Variants in C16orf96 observed in about 807,000 individuals in gnomAD.
The protein encoded by C16orf96 is chromosome 16 open reading frame 96.
Under a neutral mutation model 103.6 loss-of-function variants are expected in C16orf96, and 108 were observed. That is an observed-to-expected ratio of 1.04 (90% CI 0.89 to 1.22). The LOEUF (loss-of-function observed/expected upper bound fraction) is 1.22, where lower values mean the gene tolerates loss of function less well. Among genes scored for constraint, C16orf96 ranks in the 50% most tolerant of loss-of-function variants. C16orf96 has a pLI of 0.00. For synonymous variants in C16orf96, 566 were observed against 593.5 expected (o/e 0.95, Z 0.67); for missense variants, 1,586 against 1,464.2 (o/e 1.08, Z -1.36).
At chr16:4,548,415 G>C in the C16orf96 span, among the ~76,000 whole-genome samples, 1 of 152,216 alleles carries the variant, frequency 6.6e-6, no homozygotes, top group Non-Finnish European at 1.5e-5. Context: ...AATTGGGGCA[G>C]CAGGAGTGCT....
chr16:4,574,840 C>T (rs2059480941), intron 3 of C16orf96, 51 bp downstream of exon 3: 3 of 1,536,730 alleles, frequency 2.0e-6, no homozygotes, highest in Non-Finnish European at 2.6e-6. Context: ...ACCCCCCAAC[C>T]TCCCGGGTCC....
At position 4,600,390 on chromosome 16, in the gene C16orf96, C is replaced by A; in HGVS notation, c.*73C>A. 1 of 1,128,522 alleles carries A rather than the reference C, an allele frequency of 8.9e-7. No homozygotes were observed. The highest frequency in any genetic ancestry group is 1.3e-6 in the Non-Finnish European group (1 of 782,758). 69.9% of individuals were successfully genotyped at this position (1,128,522 alleles called of 1,614,324 possible). A position where few individuals can be genotyped will look rare whatever the true frequency, so the allele number is the denominator to read the frequency against. The stretch of plus-strand genomic sequence containing the variant: ...GGCTGAGGCCCATGTGGCCCTCCCA[C>A]TCCCACCAAGTCCCCTCCACATCGG... On this transcript the variant is annotated 3_prime_UTR_variant, in exon 16 of 16. Transcript: ENST00000444310.
In C16orf96 at chr16:4,597,697, C is replaced by T. The variant is rs528822029; in HGVS notation, c.3128-1587C>T. 9.2e-5 allele frequency among the ~76,000 whole-genome samples: 14 copies of T among 152,176 alleles called. 1 individual carries two copies. In the South Asian group the frequency reaches 2.5e-3, roughly 27 times the overall value. The stretch of plus-strand genomic sequence containing the variant: ...TCAGCCTTCCAAGTGACTGGAACTA[C>T]AGGCGTGCGCCACCACGCCTGGATA... On this transcript the variant is annotated intron_variant, in intron 14 of 15. Coordinates refer to ENST00000444310, the MANE Select transcript of C16orf96 (RefSeq NM_001145011.2).
At chr16:4,549,654 C>T in the C16orf96 span, among the ~76,000 whole-genome samples, 5 of 151,722 alleles carry the variant, frequency 3.3e-5, no homozygotes, top group Non-Finnish European at 4.4e-5. Flanking sequence ...AAAAATTAGC[C>T]GGGCAGGGTT....
At chr16:4,566,425 G>A (rs149125329) in intron 1 of C16orf96, among the ~76,000 whole-genome samples, 4 of 152,250 alleles carry the variant, frequency 2.6e-5, no homozygotes, top group African/African-American at 4.8e-5. Flanking sequence ...CCCTGATGAC[G>A]AATGATGTTG....
chr16:4,554,390 G>A (rs1477788449), upstream of C16orf96, among the ~76,000 whole-genome samples: 5 of 148,420 alleles, frequency 3.4e-5, no homozygotes, highest in African/African-American at 7.5e-5. Context: ...TTGCTCTGTC[G>A]CCCAGGCTGG....
chr16:4,549,571 G>A, the C16orf96 span, among the ~76,000 whole-genome samples: 1 of 151,880 alleles, frequency 6.6e-6, no homozygotes, highest in Non-Finnish European at 1.5e-5. Context: ...GCCGAGGCAG[G>A]TGGATCATCT....
intron 10 of C16orf96, among the ~76,000 whole-genome samples, 168 bp from the exon 11 acceptor site, chr16:4,592,137 G>A (rs1449824821): frequency 1.3e-5 from 2 of 152,234 alleles, no homozygotes; most frequent in Non-Finnish European, 2.9e-5. Context: ...GTTGTGTTTG[G>A]GGCGGCAGAG....
At chr16:4,568,963 G>T (rs929693638) in intron 1 of C16orf96, among the ~76,000 whole-genome samples, 3 of 151,180 alleles carry the variant, frequency 2.0e-5, no homozygotes, top group Admixed American at 2.0e-4. Flanking sequence ...TTGTTTTTTC[G>T]AGATGGAGTC....
At position 4,575,627 on chromosome 16, in the gene C16orf96, C is replaced by G. The variant is rs899543141; in HGVS notation, c.1147C>G (p.Leu383Val). The change falls in exon 5 of 16, where the codon CTG becomes GTG. Residue 383 changes from leucine to valine, a missense_variant. Leu to Val is a conservative substitution (Grantham distance 32). Transcript: ENST00000444310. ...TGCCCCAGGTGCCCAGCCTCCACCA[C>G]TGGGAGACTGGCCTGCACTCCCAAG... ...VPAPGAQPPP[L>V]GDWPALPRRW... The G allele has an allele frequency of 6.6e-7, 1 of 1,526,586 alleles. No homozygotes were observed. The highest frequency in any genetic ancestry group is 8.8e-7 in the Non-Finnish European group (1 of 1,135,990). 94.6% of individuals were successfully genotyped at this position (1,526,586 alleles called of 1,614,324 possible).
At chr16:4,540,861 A>G in the C16orf96 span, among the ~76,000 whole-genome samples, 4 of 151,270 alleles carry the variant, frequency 2.6e-5, no homozygotes, top group Non-Finnish European at 5.9e-5. Flanking sequence ...CTCCTGCCTC[A>G]GCCTCCCAAG....
At chr16:4,594,560 C>G in intron 13 of C16orf96, 50 bp downstream of exon 13, 1 of 1,543,722 alleles carries the variant, frequency 6.5e-7, no homozygotes, top group East Asian at 2.5e-5. Context: ...CAGCGCACCC[C>G]AGCCCCAGGT....
At chr16:4,549,614 A>G in the C16orf96 span, among the ~76,000 whole-genome samples, 1 of 151,988 alleles carries the variant, frequency 6.6e-6, no homozygotes, top group African/African-American at 2.4e-5. Context: ...CCTGGCCAAC[A>G]TAGGGAAACC....
chr16:4,545,018 G>A, the C16orf96 span, among the ~76,000 whole-genome samples: 1 of 152,300 alleles, frequency 6.6e-6, no homozygotes, highest in Non-Finnish European at 1.5e-5. Flanking sequence ...AATATGCATA[G>A]CAGGTATTCA....
intron 2 of C16orf96, among the ~76,000 whole-genome samples, chr16:4,572,964 A>C (rs1010113058): frequency 1.3e-5 from 2 of 151,986 alleles, no homozygotes; most frequent in African/African-American, 4.8e-5. Flanking sequence ...ACTTCCCCCA[A>C]ATAGTGTAAT....
intron 7 of C16orf96, among the ~76,000 whole-genome samples, chr16:4,583,250 C>T (rs1186126808): frequency 1.3e-5 from 2 of 151,662 alleles, no homozygotes; most frequent in African/African-American, 4.8e-5. Flanking sequence ...GGAAAAATCT[C>T]AGCACTTTGG....
At chr16:4,549,270 C>G in the C16orf96 span, among the ~76,000 whole-genome samples, 1 of 151,866 alleles carries the variant, frequency 6.6e-6, no homozygotes, top group Non-Finnish European at 1.5e-5. Context: ...GTCAGGAGAT[C>G]AAGACCATCC....
intron 5 of C16orf96, among the ~76,000 whole-genome samples, chr16:4,577,909 AT>A (rs1193008556): frequency 2.6e-5 from 4 of 152,024 alleles, no homozygotes; most frequent in Non-Finnish European, 5.9e-5. Context: ...GTGAGCAGAG[AT>A]TGTGCCACTC....
At chr16:4,562,382 G>T (rs1774171456) in intron 1 of C16orf96, among the ~76,000 whole-genome samples, 1 of 150,782 alleles carries the variant, frequency 6.6e-6, no homozygotes, top group African/African-American at 2.4e-5. Context: ...GCTGAGGCAG[G>T]ATTGCTTGAG....
Sources: allele counts gnomAD v4.1 joint callset (sites outside exome capture counted in the v4.1 genomes callset), GRCh38; gene constraint gnomAD v4.1.1; transcripts MANE v1.5; gene names NCBI Gene and HGNC (gene_info 2026-07-23, HGNC 2026-07-21).